The following NPAS3 variants were observed in gnomAD, a reference collection of about 807,000 sequenced individuals.
The protein encoded by NPAS3 is neuronal PAS domain protein 3.
In NPAS3, 14 loss-of-function variants were observed where a neutral mutation model predicts 73.1. That is an observed-to-expected ratio of 0.19 (90% CI 0.13 to 0.30). NPAS3 has a LOEUF of 0.30. NPAS3 is among the 10% of genes least tolerant of loss of function. The pLI, the probability that NPAS3 is intolerant of heterozygous loss-of-function variation, is 1.00. For synonymous variants in NPAS3, 620 were observed against 541.5 expected (o/e 1.14, Z -2.01); for missense variants, 1,096 against 1,250.0 (o/e 0.88, Z 1.86).
intron 6 of NPAS3, among the ~76,000 whole-genome samples, chr14:33,733,201 A>C (rs1248716589): frequency 6.6e-6 from 1 of 152,192 alleles, no homozygotes; most frequent in Non-Finnish European, 1.5e-5. Flanking sequence ...GACCAGTGCC[A>C]ATAAATGTGA....
intron 9 of NPAS3, among the ~76,000 whole-genome samples, chr14:33,784,743 TTA>T (rs1424874317): frequency 4.1e-4 from 42 of 103,630 alleles, no homozygotes; most frequent in African/African-American, 1.2e-3. Flanking sequence ...ATTTATTTAT[TTA>T]TTTTTTTTTT....
intron 3 of NPAS3, among the ~76,000 whole-genome samples, chr14:33,261,846 A>C (rs774941365): frequency 6.6e-6 from 1 of 152,168 alleles, no homozygotes; most frequent in Non-Finnish European, 1.5e-5. Context: ...GGTGGTATCT[A>C]TCTTATTATA....
At chr14:33,077,858 A>G (rs1427874038) in intron 2 of NPAS3, among the ~76,000 whole-genome samples, 2 of 142,468 alleles carry the variant, frequency 1.4e-5, no homozygotes, top group African/African-American at 5.2e-5. Context: ...CATTGAAAAT[A>G]CATATATGAC....
At chr14:33,299,795 A>G (rs2042455128) in intron 3 of NPAS3, among the ~76,000 whole-genome samples, 1 of 152,224 alleles carries the variant, frequency 6.6e-6, no homozygotes, top group South Asian at 2.1e-4. Context: ...ATTAAGGTTT[A>G]GAAAAATATT....
intron 1 of NPAS3, among the ~76,000 whole-genome samples, chr14:33,035,368 G>A (rs1265952350): frequency 6.6e-6 from 1 of 152,100 alleles, no homozygotes; most frequent in Non-Finnish European, 1.5e-5. Flanking sequence ...CACTCCCTGA[G>A]ATGGAAACAG....
chr14:33,063,592 A>C (rs1240809480), intron 2 of NPAS3, among the ~76,000 whole-genome samples: 1 of 152,202 alleles, frequency 6.6e-6, no homozygotes, highest in Non-Finnish European at 1.5e-5. Context: ...TTTTATTGGA[A>C]AATATCCATA....
intron 3 of NPAS3, among the ~76,000 whole-genome samples, chr14:33,340,457 T>C (rs914821871): frequency 6.6e-6 from 1 of 152,252 alleles, no homozygotes; most frequent in East Asian, 1.9e-4. Flanking sequence ...ATCGTGCCAC[T>C]GCACTCCAGC....
chr14:32,997,940 AG>A (rs2038650763), intron 1 of NPAS3, among the ~76,000 whole-genome samples: 1 of 152,188 alleles, frequency 6.6e-6, no homozygotes, highest in Non-Finnish European at 1.5e-5. Context: ...AATGTAAAGT[AG>A]TTCAGCCACT....
chr14:33,307,195 A>G (rs1363469130), intron 3 of NPAS3, among the ~76,000 whole-genome samples: 1 of 152,236 alleles, frequency 6.6e-6, no homozygotes, highest in Non-Finnish European at 1.5e-5. Context: ...TTACAATTAT[A>G]AGGGAAAAGA....
intron 3 of NPAS3, among the ~76,000 whole-genome samples, chr14:33,255,860 A>G (rs2048761584): frequency 6.6e-6 from 1 of 152,188 alleles, no homozygotes; most frequent in African/African-American, 2.4e-5. Context: ...TCTCGTATCT[A>G]TGGTTTACAA....
chr14:33,451,738 T>C (rs2049800969), intron 4 of NPAS3, among the ~76,000 whole-genome samples: 1 of 152,194 alleles, frequency 6.6e-6, no homozygotes, highest in Non-Finnish European at 1.5e-5. Flanking sequence ...GTGCCCATTT[T>C]CATCTAAGGA....
intron 10 of NPAS3, among the ~76,000 whole-genome samples, chr14:33,796,676 G>A (rs995065674): frequency 6.6e-6 from 1 of 152,190 alleles, no homozygotes; most frequent in Non-Finnish European, 1.5e-5. Context: ...TGGCCTTGGA[G>A]TGGCATTTCC....
chr14:33,689,839 C>T (rs1185841308), intron 6 of NPAS3, among the ~76,000 whole-genome samples: 1 of 152,176 alleles, frequency 6.6e-6, no homozygotes, highest in Non-Finnish European at 1.5e-5. Flanking sequence ...AGCTTCAGCA[C>T]ACCAAGATAC....
intron 2 of NPAS3, among the ~76,000 whole-genome samples, chr14:33,134,641 C>T (rs1388686518): frequency 1.3e-5 from 2 of 152,060 alleles, no homozygotes; most frequent in East Asian, 3.9e-4. Flanking sequence ...GCATAGGTGG[C>T]TTCATGTAAG....
intron 4 of NPAS3, among the ~76,000 whole-genome samples, chr14:33,493,324 CTT>C (rs202231064): frequency 9.2e-5 from 13 of 141,702 alleles, no homozygotes; most frequent in Admixed American, 2.1e-4. Context: ...CTCTCTTAGT[CTT>C]TTTTTTTTTT....
intron 1 of NPAS3, among the ~76,000 whole-genome samples, chr14:32,951,391 A>G (rs1042534709): frequency 2.6e-5 from 4 of 152,126 alleles, no homozygotes; most frequent in African/African-American, 7.2e-5. Context: ...GGTGCTTGTT[A>G]TATAGATTTC....
chr14:33,228,250 T>C (rs2047711199), intron 3 of NPAS3, among the ~76,000 whole-genome samples: 1 of 152,198 alleles, frequency 6.6e-6, no homozygotes, highest in Non-Finnish European at 1.5e-5. Context: ...TAAAAAGTCT[T>C]AACTTGTATC....
At chr14:33,257,154 T>TTA (rs1239436344) in intron 3 of NPAS3, among the ~76,000 whole-genome samples, 2 of 152,208 alleles carry the variant, frequency 1.3e-5, no homozygotes, top group Non-Finnish European at 2.9e-5. Context: ...TCCTTCTTCC[T>TTA]AACAGATGAT....
intron 5 of NPAS3, among the ~76,000 whole-genome samples, chr14:33,575,220 C>CCT (rs755722590): frequency 7.2e-5 from 11 of 152,198 alleles, no homozygotes; most frequent in Admixed American, 1.3e-4. Flanking sequence ...TGTATGGTCT[C>CCT]CTGCCCATTA....
Sources: gnomAD v4.1 joint callset for allele counts (sites outside exome capture counted in the v4.1 genomes callset) on GRCh38, gnomAD v4.1.1 for gene constraint, MANE v1.5 for transcripts, NCBI Gene and HGNC (gene_info 2026-07-23, HGNC 2026-07-21) for gene names.